TYK2: variants seen among roughly 807,000 people sequenced by gnomAD.
The protein encoded by TYK2 is non-receptor tyrosine-protein kinase TYK2.
TYK2 carries 65 observed loss-of-function variants against 130.9 expected under a neutral mutation model. The ratio of observed to expected loss-of-function variants is 0.50; its 90% CI spans 0.41 to 0.61. The LOEUF is 0.61. Among genes scored for constraint, TYK2 ranks in the 20% least tolerant of loss-of-function variants. TYK2 has a pLI of 0.00. For synonymous variants in TYK2, 647 were observed against 658.9 expected (o/e 0.98, Z 0.28); for missense variants, 1,378 against 1,610.7 (o/e 0.86, Z 2.47).
chr19:10,358,066 C>A lies in TYK2; in HGVS notation c.2248G>T (p.Gly750Cys). The A allele has an allele frequency of 6.2e-7, 1 of 1,613,230 alleles. No homozygotes were observed. The highest frequency in any genetic ancestry group is 8.5e-7 in the Non-Finnish European group (1 of 1,179,910). Residue 750 changes from glycine to cysteine, a missense_variant, in exon 16 of 25, where the codon GGC becomes TGC. Physicochemically the swap from Gly to Cys is radical, Grantham distance 159 (BLOSUM62 -3). Transcript: ENST00000525621. ...CTCAGCTTGATGAAGGGGCTGGTGC[C>A]CTCTGCCAACCCCAGCCGGGCCAGC... ...ILLARLGLAE[G>C]TSPFIKLSDP...
chr19:10,358,117 C>A lies in TYK2; in HGVS notation c.2197G>T (p.Gly733Cys). 6.2e-7 allele frequency: 1 copy of A among 1,610,548 alleles called. No homozygotes were observed. Among genetic ancestry groups the A allele is most frequent in the Non-Finnish European group, 8.5e-7 (1 of 1,178,874 alleles). Residue 733 changes from glycine (G) to cysteine (C), a missense_variant, in exon 16 of 25, where the codon GGT (glycine) becomes TGT (cysteine). Physicochemically the swap from Gly to Cys is radical, Grantham distance 159 (BLOSUM62 -3). Coordinates refer to ENST00000525621, the MANE Select transcript of TYK2 (RefSeq NM_003331.5). ...SYLENKNLVH[G>C]NVCGRNILLA... ...AGGATGTTCCGGCCACACACATTAC[C>A]ATGAACCAGGTTCTTGTTCTCCTGA...
intron 3 of TYK2, among the ~76,000 whole-genome samples, chr19:10,377,392 G>GGA (rs1568346222): frequency 1.8e-5 from 2 of 111,948 alleles, no homozygotes; most frequent in African/African-American, 7.7e-5. Context: ...GAATAGGTGG[G>GGA]TGGGTGGGTG....
chr19:10,364,574 C>T lies in TYK2; in HGVS notation c.1367+40G>A. On this transcript the variant is annotated intron_variant, in intron 9 of 24. Transcript: ENST00000525621. The surrounding 1 kb of genome is among the most constrained non-coding windows in gnomAD (Gnocchi z 4.9). ...CTAGGGCTCACAGTCTAGTTGGCAC[C>T]CTTGGCGGTGGCCCCCAGCGCCCCC... The T allele has an allele frequency of 1.9e-6, 3 of 1,611,912 alleles. No individual in the cohort carries two copies. Among genetic ancestry groups the T allele is most frequent in the Non-Finnish European group, 2.5e-6 (3 of 1,178,964 alleles).
At chr19:10,366,618 A>C in intron 5 of TYK2, 38 bp from the exon 6 acceptor site, 1 of 1,613,150 alleles carries the variant, frequency 6.2e-7, no homozygotes, top group African/African-American at 1.3e-5. Context: ...GAGGTGTGAG[A>C]ATGCGTTCCT....
At chr19:10,366,269 T>C (rs898945353) in intron 6 of TYK2, 148 bp downstream of exon 6, 28 of 819,600 alleles carry the variant, frequency 3.4e-5, no homozygotes, top group African/African-American at 1.2e-4. Context: ...ATTGCGCCAC[T>C]GTACTCCAGC....
rs1432198072 is a variant in TYK2, at chr19:10,359,228, T to C, written c.2122A>G (p.Met708Val). ...WLRRERGHVP[M>V]AWKMVVAQQL... is the part of the protein sequence containing the mutation. The stretch of plus-strand genomic sequence containing the variant: ...TGGGCCACCACCATCTTCCAAGCCA[T>C]GGGCACATGGCCCCGCTCCCTCCGC... The change falls in exon 15 of 25, where the codon ATG becomes GTG. Residue 708 changes from methionine (M) to valine (V), a missense_variant. By Grantham distance (21) the Met-to-Val change is conservative. Coordinates refer to ENST00000525621, the MANE Select transcript of TYK2 (RefSeq NM_003331.5). 2 of 1,610,080 alleles carry C rather than the reference T, an allele frequency of 1.2e-6. No homozygotes were observed. Among genetic ancestry groups the C allele is most frequent in the Admixed American group, 1.7e-5 (1 of 59,952 alleles).
Position 10,354,062 on chromosome 19 carries a change from T to A in TYK2, c.2888A>T (p.Lys963Met), listed in dbSNP as rs1400138297. The change falls in exon 20 of 25, where the codon AAG becomes ATG. Residue 963 changes from lysine to methionine, a missense_variant. Transcript: ENST00000525621. ...CCCACCTTGGTCCTCGCAGCAGCCC[T>A]TGTACTTGATGATGTGCTCGTGGTA... Reference protein sequence around the residue: ...TLYHEHIIKYKGCCEDQGEKS... With the variant: ...TLYHEHIIKYMGCCEDQGEKS... The A allele has an allele frequency of 6.2e-7, 1 of 1,614,084 alleles. No homozygotes were observed.
In TYK2 at chr19:10,353,569, C is replaced by G. The variant is rs772177678; in HGVS notation, c.2986G>C (p.Gly996Arg). 6.7e-7 allele frequency: 1 copy of G among 1,493,634 alleles called. No individual in the cohort carries two copies. 92.5% of individuals were successfully genotyped at this position (1,493,634 alleles called of 1,614,324 possible). A position where few individuals can be genotyped will look rare whatever the true frequency, so the allele number is the denominator to read the frequency against. ...LRDYLPRHSI[G>R]LAQLLLFAQQ... is the part of the protein sequence containing the mutation. The stretch of plus-strand genomic sequence containing the variant: ...GCGAAGAGCAGCAGCTGGGCCAGCC[C>G]GATGCTGTGCCGGGGCAGGTAGTCT... The change falls in exon 21 of 25, where the codon GGG becomes CGG. Residue 996 changes from glycine to arginine, a missense_variant. Transcript: ENST00000525621. The surrounding 1 kb of genome is among the most constrained non-coding windows in gnomAD (Gnocchi z 6.9).
chr19:10,363,026 C>T (rs536389345), intron 9 of TYK2, among the ~76,000 whole-genome samples: 1 of 152,036 alleles, frequency 6.6e-6, no homozygotes, highest in South Asian at 2.1e-4. Context: ...CAGGTCCCTG[C>T]CACCATGCCC....
chr19:10,366,377 C>T (rs748946531), intron 6 of TYK2, 40 bp downstream of exon 6: 12 of 1,593,074 alleles, frequency 7.5e-6, no homozygotes, highest in Non-Finnish European at 9.4e-6. Flanking sequence ...CAGGACATTT[C>T]CCCCTGCCTA....
rs553976501 is a variant in TYK2 at position 10,371,623 on chromosome 19, C to T, written c.194-3205G>A. Among the ~76,000 whole-genome samples, 37 of 151,246 alleles carry T rather than the reference C, an allele frequency of 2.4e-4. No homozygotes were observed. In the East Asian group the frequency reaches 6.1e-3, roughly 25 times the overall value. ...TGCACTCCAACCTGGGCAACAGGAGCGAAACTCTGTCTCAAAAAAAAAAAA... is the reference window on the plus strand; with the variant it reads ...TGCACTCCAACCTGGGCAACAGGAGTGAAACTCTGTCTCAAAAAAAAAAAA... On this transcript the variant is annotated intron_variant, in intron 3 of 24. Coordinates refer to ENST00000525621, the MANE Select transcript of TYK2 (RefSeq NM_003331.5).
At chr19:10,368,999 AG>A (rs2041799641) in intron 3 of TYK2, among the ~76,000 whole-genome samples, 2 of 151,914 alleles carry the variant, frequency 1.3e-5, no homozygotes, top group Admixed American at 6.6e-5. Flanking sequence ...AGAAGAGACG[AG>A]GTTTCGCCAT....
At chr19:10,356,527 G>T (rs370413463) in intron 18 of TYK2, 41 bp downstream of exon 18, 1 of 1,609,842 alleles carries the variant, frequency 6.2e-7, no homozygotes, top group South Asian at 1.1e-5. Context: ...TCCCAGCCCC[G>T]TCCCACTTCC....
chr19:10,364,136 C>A lies in TYK2; in HGVS notation c.1367+478G>T, dbSNP rs12720272. On this transcript the variant is annotated intron_variant, in intron 9 of 24. Coordinates refer to ENST00000525621, the MANE Select transcript of TYK2 (RefSeq NM_003331.5). This position sits in a 1 kb window ranked among gnomAD's most constrained non-coding sequence, Gnocchi z 4.9. ...TGCAGAGGTGGAAGCATCCAACATA[C>A]GCCTGAATGGTCACCAGCGTCAGGG... Among the ~76,000 whole-genome samples, 137 of 152,328 alleles carry A rather than the reference C, an allele frequency of 9.0e-4. No individual in the cohort carries two copies. The highest frequency in any genetic ancestry group is 3.2e-3 in the African/African-American group (134 of 41,580).
At position 10,353,448 on chromosome 19, in the gene TYK2, A is replaced by T; in HGVS notation, c.3027+80T>A. The T allele has an allele frequency of 5.0e-6, 5 of 1,000,230 alleles. No homozygotes were observed. Among genetic ancestry groups the T allele is most frequent in the East Asian group, 2.8e-5 (1 of 35,918 alleles). The allele number at this position is 1,000,230 out of a possible 1,614,324, so 62.0% of individuals were successfully genotyped here. A position where few individuals can be genotyped will look rare whatever the true frequency, so the allele number is the denominator to read the frequency against. On this transcript the variant is annotated intron_variant, in intron 21 of 24. Coordinates refer to ENST00000525621, the MANE Select transcript of TYK2 (RefSeq NM_003331.5). This position sits in a 1 kb window ranked among gnomAD's most constrained non-coding sequence, Gnocchi z 6.9. ...ACGAGCAGGGGCGGAGCGTGAGAGC[A>T]GACTGCACCGGATCGCTCAGGCCAG...
chr19:10,356,484 G>T, intron 18 of TYK2, 84 bp downstream of exon 18: 2 of 1,562,904 alleles, frequency 1.3e-6, no homozygotes, highest in Non-Finnish European at 1.7e-6. Context: ...ACTGTGCAGA[G>T]ACCTCTCGTG....
intron 5 of TYK2, 140 bp from the exon 6 acceptor site, chr19:10,366,720 A>T: frequency 1.5e-6 from 1 of 683,492 alleles, no homozygotes; most frequent in Non-Finnish European, 2.5e-6. Context: ...AACACTAATG[A>T]TAGCTGATGA....
chr19:10,370,766 G>A (rs166811), intron 3 of TYK2, among the ~76,000 whole-genome samples: 2,885 of 151,478 alleles, frequency 0.019, 87 homozygotes, highest in African/African-American at 0.066. Context: ...GCAGTGAGCC[G>A]AGATCACGCC....
intron 17 of TYK2, 141 bp from the exon 18 acceptor site, chr19:10,356,859 C>G: frequency 2.3e-6 from 2 of 873,394 alleles, no homozygotes; most frequent in Non-Finnish European, 3.6e-6. Flanking sequence ...GCAACTGAGG[C>G]TCCACAAAGT....
Sources: allele counts gnomAD v4.1 joint callset (sites outside exome capture counted in the v4.1 genomes callset), GRCh38; gene constraint gnomAD v4.1.1; non-coding constraint Gnocchi (gnomAD v3.1); transcripts MANE v1.5; gene names NCBI Gene and HGNC (gene_info 2026-07-23, HGNC 2026-07-21).